NDRG4: variants seen among roughly 807,000 people sequenced by gnomAD.
NDRG4 encodes protein NDRG4.
A neutral mutation model predicts 55.8 loss-of-function variants in NDRG4; 38 were observed. The observed-to-expected ratio is 0.68, with a 90% confidence interval of 0.53 to 0.89. The LOEUF (loss-of-function observed/expected upper bound fraction) is 0.89, where lower values mean the gene tolerates loss of function less well. Ranked by LOEUF, NDRG4 falls within the 40% of genes least tolerant of loss-of-function variation. The pLI, the probability that NDRG4 is intolerant of heterozygous loss-of-function variation, is 0.00. For synonymous variants in NDRG4, 190 were observed against 182.7 expected, an observed-to-expected ratio of 1.04 and a Z score of -0.32; for missense variants, 455 against 468.6, an observed-to-expected ratio of 0.97 and a Z score of 0.27.
intron 2 of NDRG4, among the ~76,000 whole-genome samples, chr16:58,491,676 C>T (rs2035804970): frequency 6.6e-6 from 1 of 152,044 alleles, no homozygotes; most frequent in Admixed American, 6.6e-5. Flanking sequence ...GTCAGGCTGG[C>T]CTCAAACTCC....
intron 3 of NDRG4, chr16:58,495,048 G>C (rs1198523264): frequency 1.2e-6 from 2 of 1,604,390 alleles, no homozygotes; most frequent in Non-Finnish European, 1.7e-6. Context: ...GGGACTGACA[G>C]CTGGCAGCCC....
rs147379663 is a variant in NDRG4, at chr16:58,500,281, C to T, written c.21+12C>T. 7,988 of 1,535,554 alleles carry T rather than the reference C, an allele frequency of 5.2e-3. 46 individuals carry two copies. The highest frequency in any genetic ancestry group is 5.4e-3 in the Non-Finnish European group (6,154 of 1,146,766). On this transcript the variant is annotated intron_variant, in intron 1 of 14. Transcript: ENST00000570248. The stretch of plus-strand genomic sequence containing the variant: ...AGTGCTGGGATGGGGTGAGTGAGGG[C>T]GCTGCGGGCATCAAGGTGGGCCGGG...
chr16:58,509,022 T>C lies in NDRG4; in HGVS notation c.777+13T>C. The C allele has an allele frequency of 1.9e-6, 3 of 1,614,098 alleles. No individual in the cohort carries two copies. Among genetic ancestry groups the C allele is most frequent in the Non-Finnish European group, 2.5e-6 (3 of 1,180,012 alleles). ...GACCTTCCTGAAGGTGAGGCTTTCT[T>C]CCCCAGCCCTGGGCCAGCTTCCCTA... On this transcript the variant is annotated intron_variant, in intron 11 of 14. Transcript: ENST00000570248.
intron 1 of NDRG4, chr16:58,501,184 C>T (rs2037042697): frequency 1.5e-6 from 1 of 669,220 alleles, no homozygotes. Flanking sequence ...ATAGGTCACC[C>T]CGCACGCACG....
At chr16:58,493,938 CAG>C (rs2036086808) in intron 2 of NDRG4, among the ~76,000 whole-genome samples, 2 of 152,174 alleles carry the variant, frequency 1.3e-5, no homozygotes, top group South Asian at 4.1e-4. Flanking sequence ...CAGGCCCCCG[CAG>C]AGTGTCTGTG....
chr16:58,503,596 T>A (rs1383921580), intron 1 of NDRG4: 1 of 996,324 alleles, frequency 1.0e-6, no homozygotes, highest in Non-Finnish European at 1.5e-6. Context: ...CAGTTCACAT[T>A]GTCTCTGTAC....
At chr16:58,495,094 C>T (rs1290927195) in intron 3 of NDRG4, 6 of 1,374,726 alleles carry the variant, frequency 4.4e-6, no homozygotes. Context: ...AGGAGGGTCA[C>T]AGCCCTTCTG....
intron 1 of NDRG4, among the ~76,000 whole-genome samples, chr16:58,466,497 G>A (rs2151534895): frequency 6.6e-6 from 1 of 152,320 alleles, no homozygotes; most frequent in South Asian, 2.1e-4. Flanking sequence ...CCTGGATAGA[G>A]GAGTCAGGAC....
chr16:58,498,081 C>T (rs1021196677), upstream of NDRG4, among the ~76,000 whole-genome samples: 1 of 151,878 alleles, frequency 6.6e-6, no homozygotes, highest in African/African-American at 2.4e-5. Context: ...TGGGCAGTGT[C>T]GCAGGTCAGC....
intron 13 of NDRG4, 72 bp downstream of exon 13, chr16:58,509,424 T>G (rs1287222994): frequency 6.5e-7 from 1 of 1,532,586 alleles, no homozygotes; most frequent in Non-Finnish European, 8.9e-7. Context: ...TTGGGGCTCC[T>G]GTTTGCAGGG....
At chr16:58,498,169 TTGGGGGACA>T (rs1198459290), upstream of NDRG4, among the ~76,000 whole-genome samples, 1 of 151,964 alleles carries the variant, frequency 6.6e-6, no homozygotes, top group Non-Finnish European at 1.5e-5. Flanking sequence ...GGGTGGGGCC[TTGGGGGACA>T]TGGGAGGGCA....
chr16:58,513,576 G>A lies in NDRG4; in HGVS notation c.*2000G>A, dbSNP rs1434540832. The A allele has an allele frequency of 6.9e-6, 1 of 145,400 alleles. No homozygotes were observed. Among genetic ancestry groups the A allele is most frequent in the Non-Finnish European group, 1.5e-5 (1 of 65,474 alleles). 9.0% of individuals were successfully genotyped at this position (145,400 alleles called of 1,614,324 possible). A position where few individuals can be genotyped will look rare whatever the true frequency, so the allele number is the denominator to read the frequency against. On this transcript the variant is annotated 3_prime_UTR_variant, in exon 15 of 15. Coordinates refer to ENST00000570248, the MANE Select transcript of NDRG4 (RefSeq NM_001242835.2). The stretch of plus-strand genomic sequence containing the variant: ...CCAGTACACGTCACATTATTTTACC[G>A]GTGAGATGAGAATGTCACAAACATT...
Position 58,506,576 on chromosome 16 carries a change from A to T in NDRG4, c.478A>T (p.Thr160Ser), listed in dbSNP as rs1827968161. 1.3e-6 allele frequency: 2 copies of T among 1,583,120 alleles called. No individual in the cohort carries two copies. The highest frequency in any genetic ancestry group is 2.7e-5 in the African/African-American group (2 of 73,600). ...AATKLSGLTS[T>S]LPDTVLSHLF... ...CCTGCAGCTCTCCGGCCTAACTAGC[A>T]CTTTACCCGACACGGTGCTCTCCCA... is the stretch of plus-strand genomic sequence containing the variant. The change falls in exon 7 of 15, where the codon ACT becomes TCT. Residue 160 changes from threonine to serine, a missense_variant. Transcript: ENST00000570248.
upstream of NDRG4, among the ~76,000 whole-genome samples, chr16:58,498,790 C>A (rs536477724): frequency 0.038 from 5,847 of 152,178 alleles, 369 homozygotes; most frequent in African/African-American, 0.13. Context: ...CCTTTTCTGG[C>A]AGTTGTGCAG....
chr16:58,466,798 C>T (rs1159509809), intron 1 of NDRG4, among the ~76,000 whole-genome samples: 7 of 152,180 alleles, frequency 4.6e-5, no homozygotes, highest in Non-Finnish European at 8.8e-5. Flanking sequence ...AGACTTCAGC[C>T]CTCTCATCTT....
rs749019878 is a variant in NDRG4 at position 58,487,776 on chromosome 16, A to G, written c.-3A>G. ...CCTAGGCCTCCTGCTCCACGACGTG[A>G]CCATGGCCGGGCTGCAGGAGCTGCG... On this transcript the variant is annotated 5_prime_UTR_variant, in exon 2 of 16. Coordinates refer to the NDRG4 transcript ENST00000258187. 7.8e-6 allele frequency: 12 copies of G among 1,543,618 alleles called. No homozygotes were observed. In the South Asian group the frequency reaches 1.3e-4, roughly 17 times the overall value.
chr16:58,485,762 C>T (rs953138669), intron 1 of NDRG4, among the ~76,000 whole-genome samples: 1 of 152,130 alleles, frequency 6.6e-6, no homozygotes, highest in African/African-American at 2.4e-5. Flanking sequence ...ATGGCACGTG[C>T]ACAGGGACCC....
At chr16:58,475,413 G>T (rs1471409205) in intron 1 of NDRG4, among the ~76,000 whole-genome samples, 1 of 152,170 alleles carries the variant, frequency 6.6e-6, no homozygotes, top group South Asian at 2.1e-4. Context: ...GAGAGAGGAA[G>T]TTGCAGGTTT....
At chr16:58,493,448 T>C (rs530009612) in intron 2 of NDRG4, among the ~76,000 whole-genome samples, 5 of 152,338 alleles carry the variant, frequency 3.3e-5, no homozygotes, top group Non-Finnish European at 7.4e-5. Context: ...TTTGTATTTT[T>C]AGTAGAGACA....
Sources: gnomAD v4.1 joint callset for allele counts (sites outside exome capture counted in the v4.1 genomes callset) on GRCh38, gnomAD v4.1.1 for gene constraint, MANE v1.5 for transcripts, NCBI Gene and HGNC (gene_info 2026-07-23, HGNC 2026-07-21) for gene names.